The following CDH12 variants were observed in gnomAD, a reference collection of about 807,000 sequenced individuals.
CDH12 encodes the protein cadherin 12.
Under a neutral mutation model 74.1 loss-of-function variants are expected in CDH12, and 41 were observed. That is an observed-to-expected ratio of 0.55 (90% CI 0.43 to 0.72). CDH12 has a LOEUF of 0.72. Ranked by LOEUF, CDH12 falls within the 30% of genes least tolerant of loss-of-function variation. The pLI is 0.00. For missense variants in CDH12, 945 were observed against 977.2 expected (o/e 0.97, Z 0.44); for synonymous variants, 399 against 355.0 (o/e 1.12, Z -1.39).
At chr5:22,245,864 C>T (rs767425322) in intron 3 of CDH12, among the ~76,000 whole-genome samples, 7 of 151,978 alleles carry the variant, frequency 4.6e-5, no homozygotes, top group Non-Finnish European at 7.4e-5. Flanking sequence ...GCTTTATTAC[C>T]CTCTTATTCA....
intron 3 of CDH12, among the ~76,000 whole-genome samples, chr5:22,376,151 A>T (rs1187273897): frequency 6.6e-6 from 1 of 152,238 alleles, no homozygotes; most frequent in Admixed American, 6.5e-5. Flanking sequence ...CATTCGCAGC[A>T]GCATGGATGG....
intron 3 of CDH12, among the ~76,000 whole-genome samples, chr5:22,222,722 T>C (rs35947643): frequency 0.3 from 45,871 of 151,376 alleles, 8,369 homozygotes; most frequent in South Asian, 0.43. Flanking sequence ...ACAAACATAC[T>C]TTCAGTTGGT....
chr5:22,516,786 C>A (rs752515331), intron 1 of CDH12, among the ~76,000 whole-genome samples: 1 of 151,630 alleles, frequency 6.6e-6, no homozygotes, highest in African/African-American at 2.4e-5. Flanking sequence ...CAGAGCGAGA[C>A]CTTGTTTCAA....
intron 3 of CDH12, among the ~76,000 whole-genome samples, chr5:22,297,436 C>A (rs1737680382): frequency 6.6e-6 from 1 of 152,086 alleles, no homozygotes; most frequent in South Asian, 2.1e-4. Flanking sequence ...TTAAATTATG[C>A]AAAGGCTTAA....
At chr5:22,830,259 T>C (rs1736535947) in intron 1 of CDH12, among the ~76,000 whole-genome samples, 1 of 152,180 alleles carries the variant, frequency 6.6e-6, no homozygotes, top group Non-Finnish European at 1.5e-5. Context: ...AGAAAAGTTT[T>C]GTTTAATGTA....
chr5:22,663,564 T>C (rs1740455197), intron 1 of CDH12, among the ~76,000 whole-genome samples: 1 of 152,218 alleles, frequency 6.6e-6, no homozygotes. Context: ...TGTAAATTAC[T>C]CTTTACAAAC....
intron 1 of CDH12, among the ~76,000 whole-genome samples, chr5:22,543,279 T>C (rs1738182254): frequency 6.6e-6 from 1 of 152,128 alleles, no homozygotes; most frequent in Non-Finnish European, 1.5e-5. Flanking sequence ...ATAACAATTG[T>C]ATACCTTTGA....
chr5:21,951,665 A>T (rs969431474), intron 6 of CDH12, among the ~76,000 whole-genome samples: 3 of 152,254 alleles, frequency 2.0e-5, no homozygotes, highest in African/African-American at 7.2e-5. Flanking sequence ...TGCAAAATGC[A>T]AGTAAATAAA....
At chr5:21,882,536 C>A in intron 6 of CDH12, 1 of 1,032,152 alleles carries the variant, frequency 9.7e-7, no homozygotes, top group Non-Finnish European at 1.5e-6. Context: ...CCCTCACTCG[C>A]CGCCGACAAC....
intron 3 of CDH12, among the ~76,000 whole-genome samples, chr5:22,253,076 GT>G (rs1753188087): frequency 6.6e-6 from 1 of 151,804 alleles, no homozygotes. Context: ...CTAGCACCAT[GT>G]TGACCATACA....
intron 6 of CDH12, among the ~76,000 whole-genome samples, chr5:21,870,470 G>T (rs1404601395): frequency 6.6e-6 from 1 of 152,090 alleles, no homozygotes; most frequent in East Asian, 1.9e-4. Context: ...TTCCACCATA[G>T]GATAGCACAG....
At chr5:21,960,019 C>T (rs1756285560) in intron 6 of CDH12, among the ~76,000 whole-genome samples, 1 of 151,394 alleles carries the variant, frequency 6.6e-6, no homozygotes. Context: ...ATATATGCAC[C>T]CAACACAGGA....
intron 5 of CDH12, among the ~76,000 whole-genome samples, chr5:22,071,274 G>C (rs1166952502): frequency 6.6e-6 from 1 of 151,694 alleles, no homozygotes; most frequent in Non-Finnish European, 1.5e-5. Context: ...ATATCTGTAG[G>C]ATTAAACTGA....
chr5:22,009,316 A>T (rs1417648806), intron 5 of CDH12, among the ~76,000 whole-genome samples: 1 of 152,164 alleles, frequency 6.6e-6, no homozygotes, highest in Non-Finnish European at 1.5e-5. Context: ...CTCTCTGGCC[A>T]ACATTAATGT....
At chr5:21,823,876 CT>C (rs909993938) in intron 8 of CDH12, among the ~76,000 whole-genome samples, 22 of 150,024 alleles carry the variant, frequency 1.5e-4, no homozygotes, top group African/African-American at 3.9e-4. Flanking sequence ...ATGATACAAA[CT>C]TTTTTTTTTA....
intron 5 of CDH12, among the ~76,000 whole-genome samples, chr5:22,056,746 T>C (rs1208962053): frequency 6.6e-6 from 1 of 152,160 alleles, no homozygotes; most frequent in African/African-American, 2.4e-5. Context: ...AGAATCTACA[T>C]ATATTATCCC....
intron 6 of CDH12, among the ~76,000 whole-genome samples, chr5:21,953,345 C>G (rs891941466): frequency 5.9e-5 from 9 of 152,204 alleles, no homozygotes; most frequent in African/African-American, 2.2e-4. Flanking sequence ...AATTGGTTGT[C>G]TCCTTGGAAT....
At chr5:22,127,731 C>A (rs1745964976) in intron 4 of CDH12, among the ~76,000 whole-genome samples, 1 of 152,112 alleles carries the variant, frequency 6.6e-6, no homozygotes, top group Non-Finnish European at 1.5e-5. Context: ...AGAACTGGCA[C>A]AATTTAGAAG....
chr5:22,106,223 C>A (rs555810013), intron 4 of CDH12, among the ~76,000 whole-genome samples: 1 of 152,012 alleles, frequency 6.6e-6, no homozygotes, highest in Non-Finnish European at 1.5e-5. Context: ...TACAACAACC[C>A]GGTGACATGA....
Sources: allele counts gnomAD v4.1 joint callset (sites outside exome capture counted in the v4.1 genomes callset), GRCh38; gene constraint gnomAD v4.1.1; transcripts MANE v1.5; gene names NCBI Gene and HGNC (gene_info 2026-07-23, HGNC 2026-07-21).